Variants in GART observed in about 807,000 individuals in gnomAD.
GART encodes phosphoribosylglycinamide formyltransferase, phosphoribosylglycinamide synthetase, phosphoribosylaminoimidazole synthetase, also known as trifunctional purine biosynthetic protein adenosine-3.
A neutral mutation model predicts 107.2 loss-of-function variants in GART; 43 were observed. The ratio of observed to expected loss-of-function variants is 0.40; its 90% CI spans 0.31 to 0.52. GART has a LOEUF of 0.52. Ranked by LOEUF, GART falls within the 20% of genes least tolerant of loss-of-function variation. The pLI is 0.52. For missense variants in GART, 1,107 were observed against 1,206.5 expected, an observed-to-expected ratio of 0.92 and a Z score of 1.22; for synonymous variants, 434 against 427.0, an observed-to-expected ratio of 1.02 and a Z score of -0.20.
rs2085044637 is a variant in GART at position 33,524,994 on chromosome 21, G to A, written c.1073C>T (p.Pro358Leu). The stretch of plus-strand genomic sequence containing the variant: ...CTCCAGTCCTAGAGCTTGAGCCTCA[G>A]GAAACCCTAGAAGAGAGCATATTTG... ...YTKGVEITGF[P>L]EAQALGLEVF... The change falls in exon 11 of 22, where the codon CCT (proline) becomes CTT (leucine). Residue 358 changes from proline (P) to leucine (L), a missense_variant. Transcript: ENST00000381815. 6.2e-7 allele frequency: 1 copy of A among 1,613,736 alleles called. No individual in the cohort carries two copies. The highest frequency in any genetic ancestry group is 1.3e-5 in the African/African-American group (1 of 74,850).
rs1405799818 is a variant in GART at position 33,504,126 on chromosome 21, A to C, written c.3031T>G (p.Ter1011GlyextTer33). The C allele has an allele frequency of 6.2e-7, 1 of 1,603,166 alleles. No individual in the cohort carries two copies. Among genetic ancestry groups the C allele is most frequent in the Non-Finnish European group, 8.5e-7 (1 of 1,173,714 alleles). Residue 1011 changes from the stop codon to glycine (G), a stop_lost, in exon 22 of 22, where the codon TGA becomes GGA. Transcript: ENST00000381815. Reference sequence around the variant, plus strand: ...CCCCATTTCTGAATTAAAAGGCTTCATTCCTCTTTAACCCAACAGATCTTG... The same window carrying C: ...CCCCATTTCTGAATTAAAAGGCTTCCTTCCTCTTTAACCCAACAGATCTTG... ...NGKICWVKEE[*>G] is the part of the protein sequence containing the mutation.
At chr21:33,513,840 G>A (rs1569014704) in intron 16 of GART, among the ~76,000 whole-genome samples, 1 of 152,216 alleles carries the variant, frequency 6.6e-6, no homozygotes, top group Non-Finnish European at 1.5e-5. Flanking sequence ...GCAAGTAGCA[G>A]ATTACCAAAT....
chr21:33,511,210 CAGCTAAAATTATAT>C, intron 17 of GART, 28 bp downstream of exon 17: 1 of 1,601,672 alleles, frequency 6.2e-7, no homozygotes. Context: ...TAAAATTATA[CAGCTAAAATTATAT>C]ATCTAAAAAT....
chr21:33,536,158 T>C (rs1023215302), intron 2 of GART, among the ~76,000 whole-genome samples: 5 of 152,018 alleles, frequency 3.3e-5, no homozygotes, highest in African/African-American at 1.2e-4. Flanking sequence ...ATTAAGCAAA[T>C]TTGATATGAA....
At chr21:33,527,816 A>G (rs756032782) in intron 10 of GART, among the ~76,000 whole-genome samples, 7 of 152,266 alleles carry the variant, frequency 4.6e-5, no homozygotes, top group South Asian at 2.1e-4. Context: ...CCTCTAAAAT[A>G]TATCTTATTG....
chr21:33,524,616 A>G, intron 11 of GART, 153 bp downstream of exon 11: 1 of 1,422,402 alleles, frequency 7.0e-7, no homozygotes. Flanking sequence ...TGCTATAACC[A>G]GTTTTGATTC....
chr21:33,539,615 C>T (rs1276484423), intron 1 of GART, among the ~76,000 whole-genome samples: 1 of 144,538 alleles, frequency 6.9e-6, no homozygotes, highest in Non-Finnish European at 1.6e-5. Flanking sequence ...ATTGCTTGAA[C>T]CTGGTAGGAG....
intron 10 of GART, among the ~76,000 whole-genome samples, chr21:33,527,708 T>G (rs367579256): frequency 6.6e-6 from 1 of 152,150 alleles, no homozygotes; most frequent in African/African-American, 2.4e-5. Flanking sequence ...ACTTTGAAAC[T>G]GTTTGAATTT....
chr21:33,504,333 A>G lies in GART; in HGVS notation c.2842-18T>C, dbSNP rs773577035. 4.3e-6 allele frequency: 7 copies of G among 1,612,562 alleles called. No homozygotes were observed. The African/African-American group carries it at 9.4e-5, about 22-fold the overall frequency. ...ACATCTTCCTGGAAAAGTAAGCAAA[A>G]GTTTTGAACATTACCTTCTAGCCAG... is the stretch of plus-strand genomic sequence containing the variant. On this transcript the variant is annotated intron_variant, in intron 21 of 21. Coordinates refer to ENST00000381815, the MANE Select transcript of GART (RefSeq NM_000819.5).
At chr21:33,517,723 A>C in intron 14 of GART, 115 bp from the exon 15 acceptor site, 1 of 1,036,722 alleles carries the variant, frequency 9.6e-7, no homozygotes. Context: ...TCCTGCAAAT[A>C]TTTAAGAAAA....
chr21:33,518,551 G>A (rs1175683708), intron 14 of GART: 1 of 251,920 alleles, frequency 4.0e-6, no homozygotes, highest in Non-Finnish European at 8.0e-6. Context: ...AACAGGAATG[G>A]GGCTTAAAAT....
chr21:33,522,399 A>G (rs1271921563), intron 11 of GART, 117 bp from the exon 12 acceptor site: 3 of 776,318 alleles, frequency 3.9e-6, no homozygotes, highest in Non-Finnish European at 6.2e-6. Context: ...AAGTGCTTAA[A>G]TTTTTTTAAA....
At chr21:33,530,980 G>A (rs2085176299) in intron 6 of GART, 96 bp from the exon 7 acceptor site, 5 of 1,178,590 alleles carry the variant, frequency 4.2e-6, no homozygotes, top group Non-Finnish European at 2.2e-6. Flanking sequence ...ATTCTTCTTT[G>A]AGGAAAAGTT....
chr21:33,520,274 C>T (rs1361083715), intron 14 of GART, 90 bp downstream of exon 14: 1 of 1,071,292 alleles, frequency 9.3e-7, no homozygotes, highest in Non-Finnish European at 1.4e-6. Flanking sequence ...GTCTCTCTTG[C>T]TAGCTACATT....
intron 14 of GART, 36 bp from the exon 15 acceptor site, chr21:33,517,644 A>G (rs143711739): frequency 1.1e-4 from 177 of 1,610,492 alleles, no homozygotes; most frequent in Non-Finnish European, 1.5e-4. Context: ...AAATCAGAGT[A>G]TTTATAAATC....
intron 6 of GART, 94 bp from the exon 7 acceptor site, chr21:33,530,978 T>C (rs1040218427): frequency 2.3e-5 from 29 of 1,242,676 alleles, no homozygotes; most frequent in Non-Finnish European, 3.0e-5. Flanking sequence ...TAATTCTTCT[T>C]TGAGGAAAAG....
At chr21:33,504,943 T>C (rs1336075635) in intron 20 of GART, among the ~76,000 whole-genome samples, 1 of 152,182 alleles carries the variant, frequency 6.6e-6, no homozygotes, top group African/African-American at 2.4e-5. Flanking sequence ...ACCAAAGGCA[T>C]TGTCTATTTT....
rs1349668910 is a variant in GART at position 33,538,261 on chromosome 21, AAGTC to A, written c.145+906_145+909del. On this transcript the variant is annotated intron_variant, in intron 2 of 21. Transcript: ENST00000381815. ...TGTCTCAAAAAAAAAAAAAAAAAAAAAGTCAGAGAGAGATAAGGGTTGAGATCTA... is the reference window on the plus strand; with the variant it reads ...TGTCTCAAAAAAAAAAAAAAAAAAAAAGAGAGAGATAAGGGTTGAGATCTA... Among the ~76,000 whole-genome samples the A allele has an allele frequency of 5.3e-5, 8 of 151,720 alleles. No individual in the cohort carries two copies. The East Asian group carries it at 1.5e-3, about 29-fold the overall frequency.
At position 33,511,224 on chromosome 21, in the gene GART, T is replaced by C. The variant is rs758743157; in HGVS notation, c.2314+28A>G. ...CTAAAATTATACAGCTAAAATTATA[T>C]ATCTAAAAATGAGTAAGGAGCAAGT... On this transcript the variant is annotated intron_variant, in intron 17 of 21. Coordinates refer to ENST00000381815, the MANE Select transcript of GART (RefSeq NM_000819.5). 4.3e-6 allele frequency: 7 copies of C among 1,611,314 alleles called. No individual in the cohort carries two copies. The East Asian group carries it at 6.7e-5, about 15-fold the overall frequency.
Sources: allele counts gnomAD v4.1 joint callset (sites outside exome capture counted in the v4.1 genomes callset), GRCh38; gene constraint gnomAD v4.1.1; transcripts MANE v1.5; gene names NCBI Gene and HGNC (gene_info 2026-07-23, HGNC 2026-07-21).